ADAP1: variants seen among roughly 807,000 people sequenced by gnomAD.
The protein encoded by ADAP1 is arf-GAP with dual PH domain-containing protein 1.
Under a neutral mutation model 54.9 loss-of-function variants are expected in ADAP1, and 31 were observed. That is an observed-to-expected ratio of 0.56 (90% CI 0.42 to 0.76). The LOEUF is 0.76. ADAP1 is among the 30% of genes least tolerant of loss of function. The probability of loss-of-function intolerance (pLI) is 0.00; values close to 1 mark genes in which losing one functional copy is unlikely to be tolerated. For synonymous variants in ADAP1, 313 were observed against 202.6 expected (o/e 1.55, Z -4.63); for missense variants, 535 against 512.4 (o/e 1.04, Z -0.42).
Position 905,127 on chromosome 7 carries a change from T to G in ADAP1, c.434A>C (p.Gln145Pro). The G allele has an allele frequency of 6.2e-7, 1 of 1,612,416 alleles. No individual in the cohort carries two copies. ...CAGCACAAACTTCCGGCTCAAAAAC[T>G]GCCCGTTGTCCCGGCCACGCTTCCA... ...FLWKRGRDNG[Q>P]FLSRKFVLTE... Residue 145 changes from glutamine to proline, a missense_variant, in exon 5 of 11, where the codon CAG becomes CCG. Gln to Pro is a moderately conservative substitution (Grantham distance 76). Coordinates refer to ENST00000265846, the MANE Select transcript of ADAP1 (RefSeq NM_006869.4).
intron 2 of ADAP1, among the ~76,000 whole-genome samples, chr7:929,032 G>A (rs1438553129): frequency 6.6e-6 from 1 of 152,150 alleles, no homozygotes; most frequent in African/African-American, 2.4e-5. Flanking sequence ...GGGGGCTCAC[G>A]CCTGTCATCC....
At chr7:934,624 G>A (rs1342472916) in intron 2 of ADAP1, among the ~76,000 whole-genome samples, 2 of 152,104 alleles carry the variant, frequency 1.3e-5, no homozygotes, top group Non-Finnish European at 2.9e-5. Flanking sequence ...CGCTCCATCC[G>A]ACCTGCAGCC....
At chr7:905,390 G>GGGAGAAAGGAGAAAGGGAGAAA (rs1291831297) in intron 4 of ADAP1, 2 of 264,148 alleles carry the variant, frequency 7.6e-6, no homozygotes, top group East Asian at 1.5e-4. Flanking sequence ...AAAGGAGAAA[G>GGGAGAAAGGAGAAAGGGAGAAA]GAGAAAGGAG....
At chr7:937,203 C>T (rs1339289072) in intron 1 of ADAP1, among the ~76,000 whole-genome samples, 1 of 68,286 alleles carries the variant, frequency 1.5e-5, no homozygotes. Flanking sequence ...GGGTCACGCC[C>T]GACCTCTGGG....
In ADAP1 at chr7:898,619, C is replaced by T. The variant is rs1283430057; in HGVS notation, c.*302G>A. 2 of 472,262 alleles carry T rather than the reference C, an allele frequency of 4.2e-6. No homozygotes were observed. The highest frequency in any genetic ancestry group is 7.8e-6 in the Non-Finnish European group (2 of 255,570). The allele number at this position is 472,262 out of a possible 1,614,324, so 29.3% of individuals were successfully genotyped here. On this transcript the variant is annotated 3_prime_UTR_variant, in exon 11 of 11. Coordinates refer to ENST00000265846, the MANE Select transcript of ADAP1 (RefSeq NM_006869.4). ...GCGGCTCCTGGGGGCTGTGTCTGAGCTCGGGAGCCAGACTGGGCCCTGGAG... is the reference window on the plus strand; with the variant it reads ...GCGGCTCCTGGGGGCTGTGTCTGAGTTCGGGAGCCAGACTGGGCCCTGGAG...
chr7:932,447 C>G (rs935376512), intron 2 of ADAP1, among the ~76,000 whole-genome samples: 5 of 152,172 alleles, frequency 3.3e-5, no homozygotes, highest in African/African-American at 1.2e-4. Flanking sequence ...GTCTTCTCCC[C>G]GAGCCAAGGA....
At chr7:935,249 C>T (rs1846715353) in intron 2 of ADAP1, 126 bp downstream of exon 2, 2 of 1,354,606 alleles carry the variant, frequency 1.5e-6, no homozygotes, top group Non-Finnish European at 1.0e-6. Flanking sequence ...TCCAGCCAGC[C>T]AGGCCCCCAG....
Position 945,872 on chromosome 7 carries a change from G to A in ADAP1, c.82+8524C>T, listed in dbSNP as rs1005874784. On this transcript the variant is annotated intron_variant, in intron 1 of 10. Coordinates refer to ENST00000265846, the MANE Select transcript of ADAP1 (RefSeq NM_006869.4). The surrounding 1 kb of genome is among the most constrained non-coding windows in gnomAD (Gnocchi z 4.2). ...GGGCGGAGCCAGGTGGGGCAGGCGTGTCCCCCAAGCCAAGGCCCAGGCTGG... is the reference window on the plus strand; with the variant it reads ...GGGCGGAGCCAGGTGGGGCAGGCGTATCCCCCAAGCCAAGGCCCAGGCTGG... 155 of 979,208 alleles carry A rather than the reference G, an allele frequency of 1.6e-4. No individual in the cohort carries two copies. Among genetic ancestry groups the A allele is most frequent in the Non-Finnish European group, 1.8e-4 (150 of 824,392 alleles). 60.7% of individuals were successfully genotyped at this position (979,208 alleles called of 1,614,324 possible).
chr7:929,527 A>C (rs1285095937), intron 2 of ADAP1, among the ~76,000 whole-genome samples: 1 of 150,990 alleles, frequency 6.6e-6, no homozygotes, highest in Non-Finnish European at 1.5e-5. Flanking sequence ...AAAAAAAAAA[A>C]AAAAAAAACA....
chr7:936,078 C>A lies in ADAP1; in HGVS notation c.83-573G>T, dbSNP rs145408382. Among the ~76,000 whole-genome samples, 502 of 152,328 alleles carry A rather than the reference C, an allele frequency of 3.3e-3. 5 individuals carry two copies. Among genetic ancestry groups the A allele is most frequent in the African/African-American group, 0.01 (432 of 41,572 alleles). Reference sequence around the variant, plus strand: ...ACTAACTTTGCAGGTGTGACAGCGGCGCTGTGGCTTCACCCTGCATGTGGC... The same window carrying A: ...ACTAACTTTGCAGGTGTGACAGCGGAGCTGTGGCTTCACCCTGCATGTGGC... On this transcript the variant is annotated intron_variant, in intron 1 of 10. Transcript: ENST00000265846.
At chr7:927,216 A>C (rs1474735380) in intron 2 of ADAP1, 1 of 1,274,208 alleles carries the variant, frequency 7.8e-7, no homozygotes, top group Admixed American at 2.6e-5. Context: ...GGAGAAGGAA[A>C]CGGCGCCGTG....
Position 926,684 on chromosome 7 carries a change from CA to C in ADAP1, c.214-41del. On this transcript the variant is annotated intron_variant, in intron 2 of 10. Coordinates refer to ENST00000265846, the MANE Select transcript of ADAP1 (RefSeq NM_006869.4). The surrounding 1 kb of genome is among the most constrained non-coding windows in gnomAD (Gnocchi z 4.6). ...GGGCCGGGTCAGAGGCCTGGGGTCCCAGGGGCAGCCTAGGAGGTGCCAGCTG... is the reference window on the plus strand; with the variant it reads ...GGGCCGGGTCAGAGGCCTGGGGTCCCGGGGCAGCCTAGGAGGTGCCAGCTG... 6.7e-7 allele frequency: 1 copy of C among 1,497,750 alleles called. No homozygotes were observed. 92.8% of individuals were successfully genotyped at this position (1,497,750 alleles called of 1,614,324 possible). A position where few individuals can be genotyped will look rare whatever the true frequency, so the allele number is the denominator to read the frequency against.
In ADAP1 at chr7:919,435, G is replaced by T. The variant is rs375787654; in HGVS notation, c.388+533C>A. Among the ~76,000 whole-genome samples the T allele has an allele frequency of 6.4e-4, 97 of 152,108 alleles. 1 individual carries two copies. In the East Asian group the frequency reaches 0.016, roughly 25 times the overall value. On this transcript the variant is annotated intron_variant, in intron 4 of 10. Coordinates refer to ENST00000265846, the MANE Select transcript of ADAP1 (RefSeq NM_006869.4). ...GTGGCGACCCCAAGCCCTCAGTCAC[G>T]TCACTCAGAGGGCAAAACAGGTCCG...
At chr7:911,899 C>T (rs909887974) in intron 4 of ADAP1, among the ~76,000 whole-genome samples, 15 of 152,248 alleles carry the variant, frequency 9.9e-5, no homozygotes, top group East Asian at 3.9e-4. Flanking sequence ...CCCAAACACC[C>T]GTCCCCCCGA....
intron 1 of ADAP1, among the ~76,000 whole-genome samples, chr7:952,101 G>A (rs1375290890): frequency 6.8e-6 from 1 of 147,242 alleles, no homozygotes; most frequent in African/African-American, 2.5e-5. Flanking sequence ...GCCCCAACTC[G>A]CCCACCTGCC....
intron 4 of ADAP1, among the ~76,000 whole-genome samples, chr7:919,318 G>A (rs1266163447): frequency 6.6e-6 from 1 of 152,176 alleles, no homozygotes; most frequent in Non-Finnish European, 1.5e-5. Context: ...CCGAATGGAA[G>A]TGCGTGGCCA....
chr7:935,609 G>A, intron 1 of ADAP1, 104 bp from the exon 2 acceptor site: 5 of 1,419,672 alleles, frequency 3.5e-6, no homozygotes, highest in Non-Finnish European at 4.7e-6. Flanking sequence ...AGTGGGGGGG[G>A]CTTCAGCGGA....
chr7:927,187 G>A (rs1846420305), intron 2 of ADAP1: 1 of 1,294,630 alleles, frequency 7.7e-7, no homozygotes, highest in African/African-American at 1.5e-5. Context: ...CCCAGAACAT[G>A]TTTACGAAAC....
chr7:930,125 A>AG (rs1554276354), intron 2 of ADAP1, among the ~76,000 whole-genome samples: 1 of 134,718 alleles, frequency 7.4e-6, no homozygotes. Flanking sequence ...AAAAAAAAAA[A>AG]AACCCTCAGG....
Sources: gnomAD v4.1 joint callset for allele counts (sites outside exome capture counted in the v4.1 genomes callset) on GRCh38, gnomAD v4.1.1 for gene constraint, Gnocchi (gnomAD v3.1) non-coding constraint, MANE v1.5 for transcripts, NCBI Gene and HGNC (gene_info 2026-07-23, HGNC 2026-07-21) for gene names.